The following MAST4 variants were observed in gnomAD, a reference collection of about 807,000 sequenced individuals.
MAST4 encodes the protein microtubule-associated serine/threonine-protein kinase 4.
A neutral mutation model predicts 162.7 loss-of-function variants in MAST4; 89 were observed. The ratio of observed to expected loss-of-function variants is 0.55; its 90% CI spans 0.46 to 0.65. The LOEUF is 0.65. Among genes scored for constraint, MAST4 ranks in the 30% least tolerant of loss-of-function variants. The pLI is 0.00. For missense variants in MAST4, 3,153 were observed against 3,374.0 expected (o/e 0.93, Z 1.62); for synonymous variants, 1,479 against 1,361.1 (o/e 1.09, Z -1.91).
intron 1 of MAST4, among the ~76,000 whole-genome samples, chr5:66,618,800 G>T (rs1743885606): frequency 6.6e-6 from 1 of 152,094 alleles, no homozygotes; most frequent in Non-Finnish European, 1.5e-5. Context: ...TTTGTAAAAA[G>T]AAAAGGATTT....
intron 3 of MAST4, among the ~76,000 whole-genome samples, chr5:66,891,098 T>G (rs998894489): frequency 1.3e-5 from 2 of 152,228 alleles, no homozygotes; most frequent in Non-Finnish European, 2.9e-5. Context: ...TTCCTGCTCA[T>G]CAGGGACTCG....
intron 4 of MAST4, among the ~76,000 whole-genome samples, chr5:66,995,884 CACAT>C (rs1231525545): frequency 2.2e-5 from 3 of 136,512 alleles, no homozygotes; most frequent in Non-Finnish European, 3.2e-5. Context: ...AAAACACACT[CACAT>C]ACACACACAC....
chr5:66,896,517 A>T (rs1762694280), intron 3 of MAST4, among the ~76,000 whole-genome samples: 1 of 152,174 alleles, frequency 6.6e-6, no homozygotes, highest in African/African-American at 2.4e-5. Flanking sequence ...TGAAGAAGGG[A>T]GTATCTACAT....
chr5:66,893,372 ATTTT>A (rs34342512), intron 3 of MAST4, among the ~76,000 whole-genome samples: 1 of 143,174 alleles, frequency 7.0e-6, no homozygotes, highest in African/African-American at 2.6e-5. Context: ...CGCCCAGCTA[ATTTT>A]TTTTTTTGTG....
At chr5:67,149,622 A>AT in intron 24 of MAST4, 33 bp downstream of exon 24, 1 of 1,598,366 alleles carries the variant, frequency 6.3e-7, no homozygotes, top group Admixed American at 1.7e-5. Context: ...AAATTGTGTG[A>AT]TTTGTGCATG....
chr5:67,116,850 T>C (rs1460448891), intron 12 of MAST4, among the ~76,000 whole-genome samples: 1 of 152,086 alleles, frequency 6.6e-6, no homozygotes. Context: ...AGACTCTGAT[T>C]GTTCTACATT....
intron 14 of MAST4, among the ~76,000 whole-genome samples, chr5:67,122,550 G>A (rs756804194): frequency 2.0e-5 from 3 of 152,078 alleles, no homozygotes; most frequent in South Asian, 2.1e-4. Flanking sequence ...CTTGCTTATC[G>A]TTTGTTTTTT....
chr5:66,858,681 T>C (rs531553027), intron 3 of MAST4, among the ~76,000 whole-genome samples: 1 of 152,200 alleles, frequency 6.6e-6, no homozygotes, highest in African/African-American at 2.4e-5. Flanking sequence ...TTAAGTAAAT[T>C]TTTAAAATTG....
In MAST4 at chr5:67,162,638, C is replaced by T; in HGVS notation, c.3817C>T (p.Gln1273Ter). Residue 1273 changes from glutamine (Q) to a stop codon, truncating the protein, a stop_gained, in exon 28 of 29, where the codon CAG becomes TAG. Transcript: ENST00000403625. LOFTEE classifies it high-confidence loss of function. ...RRSLFKKLAK[Q>*]PSPLLHTSRS... ...ATCTCTTTTCAAAAAGCTAGCCAAG[C>T]AGCCTTCTCCTTTACTCCACACCAG... 6.2e-7 allele frequency: 1 copy of T among 1,613,728 alleles called. No individual in the cohort carries two copies. Among genetic ancestry groups the T allele is most frequent in the Non-Finnish European group, 8.5e-7 (1 of 1,179,776 alleles).
intron 4 of MAST4, among the ~76,000 whole-genome samples, chr5:67,037,019 T>C (rs1756103760): frequency 6.6e-6 from 1 of 152,176 alleles, no homozygotes; most frequent in South Asian, 2.1e-4. Context: ...GGGAGATTTG[T>C]TGTTAATTGG....
chr5:67,062,228 T>C (rs1759706736), intron 5 of MAST4, among the ~76,000 whole-genome samples: 1 of 152,112 alleles, frequency 6.6e-6, no homozygotes, highest in Non-Finnish European at 1.5e-5. Context: ...GGTGAAACCA[T>C]CTTTACTAAA....
At chr5:66,679,081 G>C (rs1748153389) in intron 1 of MAST4, among the ~76,000 whole-genome samples, 1 of 152,176 alleles carries the variant, frequency 6.6e-6, no homozygotes, top group Non-Finnish European at 1.5e-5. Flanking sequence ...GTAAGCCACT[G>C]CTGGTAGCCT....
intron 4 of MAST4, among the ~76,000 whole-genome samples, chr5:66,903,754 T>G (rs1036769517): frequency 1.3e-5 from 2 of 152,196 alleles, no homozygotes; most frequent in African/African-American, 4.8e-5. Context: ...CTCAAAGAGT[T>G]GAGACTCTGA....
At chr5:66,826,354 C>T (rs898324372) in intron 3 of MAST4, among the ~76,000 whole-genome samples, 1 of 152,010 alleles carries the variant, frequency 6.6e-6, no homozygotes, top group African/African-American at 2.4e-5. Context: ...ACATACTTTT[C>T]GTCCTTAGCC....
chr5:66,851,368 G>A (rs375330951), intron 3 of MAST4, among the ~76,000 whole-genome samples: 1 of 152,306 alleles, frequency 6.6e-6, no homozygotes, highest in South Asian at 2.1e-4. Context: ...TAGGAGGGTG[G>A]GCAGGAGCAG....
At chr5:66,887,086 C>G (rs1332141077) in intron 3 of MAST4, among the ~76,000 whole-genome samples, 2 of 152,154 alleles carry the variant, frequency 1.3e-5, no homozygotes, top group African/African-American at 2.4e-5. Context: ...AAACAAAAAT[C>G]TCACTGCACT....
In MAST4 at chr5:67,082,761, G is replaced by T. The variant is rs77442235; in HGVS notation, c.764-7401G>T. Among the ~76,000 whole-genome samples the T allele has an allele frequency of 5.3e-3, 800 of 152,176 alleles. 7 individuals are homozygous for T. Among genetic ancestry groups the T allele is most frequent in the African/African-American group, 0.019 (769 of 41,524 alleles). On this transcript the variant is annotated intron_variant, in intron 5 of 28. Coordinates refer to ENST00000403625, the MANE Select transcript of MAST4 (RefSeq NM_001164664.2). ...TTTAGAGTTATAAGACCATGTTTCT[G>T]ACTTATTTAAATAGTATTAAAATCC...
chr5:66,743,715 C>A (rs929949091), intron 1 of MAST4, among the ~76,000 whole-genome samples: 6 of 152,168 alleles, frequency 3.9e-5, no homozygotes, highest in African/African-American at 1.4e-4. Context: ...GGGCAGAAAC[C>A]CAGTCAGATA....
chr5:66,765,630 AT>A (rs1168333026), intron 2 of MAST4, among the ~76,000 whole-genome samples: 3 of 152,208 alleles, frequency 2.0e-5, no homozygotes, highest in South Asian at 2.1e-4. Flanking sequence ...CTTAAAAAAA[AT>A]CTTTTACAAT....
Sources: allele counts gnomAD v4.1 joint callset (sites outside exome capture counted in the v4.1 genomes callset), GRCh38; gene constraint gnomAD v4.1.1; transcripts MANE v1.5; gene names NCBI Gene and HGNC (gene_info 2026-07-23, HGNC 2026-07-21).